The following GRM7 variants were observed in gnomAD, a reference collection of about 807,000 sequenced individuals.
The protein encoded by GRM7 is metabotropic glutamate receptor 7.
Under a neutral mutation model 84.5 loss-of-function variants are expected in GRM7, and 35 were observed. That is an observed-to-expected ratio of 0.41 (90% CI 0.32 to 0.55). The LOEUF (loss-of-function observed/expected upper bound fraction) is 0.55, where lower values mean the gene tolerates loss of function less well. Ranked by LOEUF, GRM7 falls within the 20% of genes least tolerant of loss-of-function variation. The probability of loss-of-function intolerance (pLI) is 0.19; values close to 1 mark genes in which losing one functional copy is unlikely to be tolerated. For synonymous variants in GRM7, 487 were observed against 455.1 expected, an observed-to-expected ratio of 1.07 and a Z score of -0.89; for missense variants, 1,003 against 1,194.6, an observed-to-expected ratio of 0.84 and a Z score of 2.36.
intron 2 of GRM7, among the ~76,000 whole-genome samples, chr3:7,198,962 A>G (rs1306887904): frequency 3.3e-5 from 5 of 152,198 alleles, no homozygotes; most frequent in Non-Finnish European, 5.9e-5. Flanking sequence ...AAGTTTTTTA[A>G]TGGGATTCAT....
intron 9 of GRM7, among the ~76,000 whole-genome samples, chr3:7,716,157 TG>T (rs888677133): frequency 3.3e-5 from 5 of 152,012 alleles, no homozygotes; most frequent in East Asian, 1.9e-4. Context: ...AATCATGCTG[TG>T]GGGGGGTGTT....
chr3:7,126,015 T>C (rs183207453), intron 1 of GRM7, among the ~76,000 whole-genome samples: 5 of 152,330 alleles, frequency 3.3e-5, no homozygotes, highest in Admixed American at 3.3e-4. Flanking sequence ...TTCTCTGCCG[T>C]GTCAGGAAAC....
chr3:7,605,562 T>C (rs999063832), intron 8 of GRM7, among the ~76,000 whole-genome samples: 1 of 152,142 alleles, frequency 6.6e-6, no homozygotes, highest in South Asian at 2.1e-4. Context: ...CCTAGCATAC[T>C]AAGAATACAG....
intron 1 of GRM7, among the ~76,000 whole-genome samples, chr3:6,902,185 A>C (rs1298955716): frequency 6.6e-6 from 1 of 152,208 alleles, no homozygotes; most frequent in East Asian, 1.9e-4. Context: ...ACCGTGAAGC[A>C]CATACTTCTA....
intron 8 of GRM7, among the ~76,000 whole-genome samples, chr3:7,657,311 G>C (rs1384027078): frequency 6.6e-6 from 1 of 152,166 alleles, no homozygotes; most frequent in Non-Finnish European, 1.5e-5. Flanking sequence ...AGTCATGCCT[G>C]TCATGCCATA....
chr3:6,912,623 C>A (rs1696810685), intron 1 of GRM7, among the ~76,000 whole-genome samples: 1 of 152,136 alleles, frequency 6.6e-6, no homozygotes, highest in Non-Finnish European at 1.5e-5. Context: ...GAAGCTTTAA[C>A]TTCAATGTCT....
chr3:7,022,391 G>A (rs984073933), intron 1 of GRM7, among the ~76,000 whole-genome samples: 2 of 83,196 alleles, frequency 2.4e-5, no homozygotes, highest in Non-Finnish European at 4.7e-5. Context: ...ACACACCAGT[G>A]GTCAATGATA....
At chr3:7,258,185 T>C (rs1040158187) in intron 2 of GRM7, among the ~76,000 whole-genome samples, 3 of 152,170 alleles carry the variant, frequency 2.0e-5, no homozygotes, top group Non-Finnish European at 4.4e-5. Flanking sequence ...AATTTAAACC[T>C]TATTTTCTCT....
intron 7 of GRM7, among the ~76,000 whole-genome samples, chr3:7,463,015 A>C (rs573585481): frequency 3.9e-5 from 6 of 152,314 alleles, no homozygotes; most frequent in African/African-American, 1.4e-4. Flanking sequence ...GGGGAGTAGT[A>C]ATCAAAAGCA....
intron 8 of GRM7, among the ~76,000 whole-genome samples, chr3:7,665,544 T>TAAAG (rs1699664434): frequency 6.6e-6 from 1 of 152,180 alleles, no homozygotes; most frequent in African/African-American, 2.4e-5. Context: ...CACTCCATGG[T>TAAAG]AAAGAATCAG....
At chr3:7,140,454 A>G (rs1466601030) in intron 1 of GRM7, among the ~76,000 whole-genome samples, 3 of 152,026 alleles carry the variant, frequency 2.0e-5, no homozygotes, top group African/African-American at 7.2e-5. Flanking sequence ...CGAGTAAAGG[A>G]TTTAGAGATG....
intron 4 of GRM7, among the ~76,000 whole-genome samples, chr3:7,410,465 C>T (rs1695877628): frequency 6.6e-6 from 1 of 151,910 alleles, no homozygotes; most frequent in South Asian, 2.1e-4. Context: ...CCCAGCTACC[C>T]AGGAGGCTGA....
At chr3:7,421,856 A>T (rs1480635942) in intron 5 of GRM7, among the ~76,000 whole-genome samples, 2 of 147,592 alleles carry the variant, frequency 1.4e-5, no homozygotes, top group Non-Finnish European at 3.0e-5. Flanking sequence ...TTAATACTGT[A>T]TTTTTAAAAA....
intron 2 of GRM7, among the ~76,000 whole-genome samples, chr3:7,183,786 G>A (rs1433555193): frequency 2.0e-5 from 3 of 151,950 alleles, no homozygotes; most frequent in Admixed American, 2.0e-4. Flanking sequence ...CAAAGCAGAC[G>A]ATCATAAATA....
At chr3:7,575,148 G>A (rs1694897874) in intron 7 of GRM7, among the ~76,000 whole-genome samples, 1 of 152,164 alleles carries the variant, frequency 6.6e-6, no homozygotes, top group South Asian at 2.1e-4. Context: ...GCTATGAGAT[G>A]GAGATGTAAA....
intron 4 of GRM7, among the ~76,000 whole-genome samples, chr3:7,312,564 C>A (rs12634271): frequency 8.5e-5 from 13 of 152,114 alleles, no homozygotes; most frequent in Admixed American, 2.6e-4. Context: ...GTGGATTTGT[C>A]ATTTGTGACT....
At chr3:7,684,009 C>G (rs1700480388) in intron 9 of GRM7, among the ~76,000 whole-genome samples, 1 of 151,990 alleles carries the variant, frequency 6.6e-6, no homozygotes, top group Non-Finnish European at 1.5e-5. Flanking sequence ...TCAAAACGAG[C>G]CACTAATAGG....
chr3:7,210,782 T>TA (rs1173895665), intron 2 of GRM7, among the ~76,000 whole-genome samples: 13 of 145,202 alleles, frequency 9.0e-5, no homozygotes, highest in African/African-American at 2.8e-4. Flanking sequence ...TAAAGACAAT[T>TA]ATGAACATGC....
intron 2 of GRM7, among the ~76,000 whole-genome samples, chr3:7,177,975 A>G (rs2125094311): frequency 2.0e-5 from 3 of 152,318 alleles, no homozygotes; most frequent in Admixed American, 2.0e-4. Context: ...TTAGATGTTT[A>G]GAAAACTTGC....
Sources: gnomAD v4.1 joint callset for allele counts (sites outside exome capture counted in the v4.1 genomes callset) on GRCh38, gnomAD v4.1.1 for gene constraint, MANE v1.5 for transcripts, NCBI Gene and HGNC (gene_info 2026-07-23, HGNC 2026-07-21) for gene names.